The following CD22 variants were observed in gnomAD, a reference collection of about 807,000 sequenced individuals.
CD22 encodes B-cell receptor CD22.
CD22 carries 51 observed loss-of-function variants against 94.7 expected under a neutral mutation model. The ratio of observed to expected loss-of-function variants is 0.54; its 90% CI spans 0.43 to 0.68. The LOEUF is 0.68. Ranked by LOEUF, CD22 falls within the 30% of genes least tolerant of loss-of-function variation. CD22 has a pLI of 0.00. For synonymous variants in CD22, 424 were observed against 422.5 expected, an observed-to-expected ratio of 1.00 and a Z score of -0.04; for missense variants, 931 against 1,060.4, an observed-to-expected ratio of 0.88 and a Z score of 1.69.
In CD22 at chr19:35,337,245, GA is replaced by G. The variant is rs956949663; in HGVS notation, c.719-501del. On this transcript the variant is annotated intron_variant, in intron 4 of 13. Coordinates refer to ENST00000085219, the MANE Select transcript of CD22 (RefSeq NM_001771.4). This position sits in a 1 kb window ranked among gnomAD's most constrained non-coding sequence, Gnocchi z 4.4. ...CGAGTGAGACTCCATCTCAAAAAAA[GA>G]AAAAAAAAGAAGGTGAGCACTTAAG... 6.7e-5 allele frequency among the ~76,000 whole-genome samples: 10 copies of G among 150,060 alleles called. No homozygotes were observed. Among genetic ancestry groups the G allele is most frequent in the South Asian group, 2.1e-4 (1 of 4,758 alleles).
intron 2 of CD22, 154 bp from the exon 3 acceptor site, chr19:35,332,393 C>T: frequency 3.7e-6 from 3 of 800,992 alleles, no homozygotes; most frequent in Middle Eastern, 3.8e-4. Context: ...GGGAGGATCA[C>T]TTGAGGTCAG....
Position 35,336,425 on chromosome 19 carries a change from A to C in CD22, c.718+84A>C. On this transcript the variant is annotated intron_variant, in intron 4 of 13. Coordinates refer to ENST00000085219, the MANE Select transcript of CD22 (RefSeq NM_001771.4). ...CCCGCAGGGGGCATGCACCCAGGGCAGGGGGAAGCCTGCACAGACGGCGGC... is the reference window on the plus strand; with the variant it reads ...CCCGCAGGGGGCATGCACCCAGGGCCGGGGGAAGCCTGCACAGACGGCGGC... 2.9e-6 allele frequency: 4 copies of C among 1,387,572 alleles called. No individual in the cohort carries two copies. The Admixed American group carries it at 8.0e-5, about 28-fold the overall frequency. The allele number at this position is 1,387,572 out of a possible 1,614,324, so 86.0% of individuals were successfully genotyped here. A position where few individuals can be genotyped will look rare whatever the true frequency, so the allele number is the denominator to read the frequency against.
At position 35,337,861 on chromosome 19, in the gene CD22, G is replaced by C. The variant is rs759945428; in HGVS notation, c.825G>C (p.Thr275=). ...CEVSSSNPEY[T]TVSWLKDGTS... The stretch of plus-strand genomic sequence containing the variant: ...TCAGCAGCAGCAACCCGGAGTACAC[G>C]ACGGTATCCTGGCTCAAGGATGGGA... The change falls in exon 5 of 14, where the codon ACG becomes ACC. Residue 275 remains threonine (T), a synonymous_variant. Coordinates refer to ENST00000085219, the MANE Select transcript of CD22 (RefSeq NM_001771.4). This position sits in a 1 kb window ranked among gnomAD's most constrained non-coding sequence, Gnocchi z 4.4. The C allele has an allele frequency of 1.9e-6, 3 of 1,614,184 alleles. No homozygotes were observed. The highest frequency in any genetic ancestry group is 1.6e-4 in the Middle Eastern group (1 of 6,062).
chr19:35,333,027 G>A, intron 3 of CD22, 103 bp downstream of exon 3: 1 of 1,298,610 alleles, frequency 7.7e-7, no homozygotes, highest in Non-Finnish European at 1.1e-6. Flanking sequence ...GCTTCCTGCA[G>A]AGCTCAGGCA....
chr19:35,342,549 T>G (rs2066831828), intron 9 of CD22, among the ~76,000 whole-genome samples: 1 of 152,066 alleles, frequency 6.6e-6, no homozygotes. Context: ...TGGCCCCTTC[T>G]TCCCCACCTC....
intron 1 of CD22, among the ~76,000 whole-genome samples, chr19:35,330,353 G>A (rs1427016642): frequency 6.6e-6 from 1 of 152,004 alleles, no homozygotes; most frequent in African/African-American, 2.4e-5. Context: ...GAAAAAAAAA[G>A]AATCTTACTT....
At chr19:35,346,108 G>T (rs2066902845) in intron 12 of CD22, 43 bp from the exon 13 acceptor site, 1 of 1,455,442 alleles carries the variant, frequency 6.9e-7, no homozygotes. Flanking sequence ...AGAGTTCGTG[G>T]GAGATGCTTC....
chr19:35,336,495 G>A (rs1054373943), intron 4 of CD22, 154 bp downstream of exon 4: 80 of 657,548 alleles, frequency 1.2e-4, no homozygotes, highest in Admixed American at 4.4e-4. Flanking sequence ...CTGGTGTTTC[G>A]GGAAAAAGAT....
chr19:35,338,095 G>T lies in CD22; in HGVS notation c.986-73G>T, dbSNP rs2066751329. 2.5e-6 allele frequency: 4 copies of T among 1,572,914 alleles called. No individual in the cohort carries two copies. In the Admixed American group the frequency reaches 5.2e-5, roughly 20 times the overall value. On this transcript the variant is annotated intron_variant, in intron 5 of 13. Coordinates refer to ENST00000085219, the MANE Select transcript of CD22 (RefSeq NM_001771.4). ...TGGACCCGGAGAGGGGAGCCACGGG[G>T]GCTCTCGGGGCCGTGTGCACAGGTT...
chr19:35,341,497 C>G lies in CD22; in HGVS notation c.1662C>G (p.Ser554Arg), dbSNP rs1193383455. The G allele has an allele frequency of 6.2e-7, 1 of 1,614,070 alleles. No individual in the cohort carries two copies. Among genetic ancestry groups the G allele is most frequent in the East Asian group, 2.2e-5 (1 of 44,884 alleles). ...EKNGRLLGKE[S>R]QLNFDSISPE... ...ATGGCAGGCTTCTGGGGAAAGAAAGCCAGCTGAATTTTGACTCCATCTCCC... is the reference window on the plus strand; with the variant it reads ...ATGGCAGGCTTCTGGGGAAAGAAAGGCAGCTGAATTTTGACTCCATCTCCC... Residue 554 changes from serine to arginine, a missense_variant, in exon 8 of 14, where the codon AGC (serine) becomes AGG (arginine). Ser to Arg is a moderately radical substitution (Grantham distance 110). Coordinates refer to ENST00000085219, the MANE Select transcript of CD22 (RefSeq NM_001771.4). This position sits in a 1 kb window ranked among gnomAD's most constrained non-coding sequence, Gnocchi z 4.0.
chr19:35,332,947 CCTCTG>C, intron 3 of CD22, 23 bp downstream of exon 3: 1 of 1,607,184 alleles, frequency 6.2e-7, no homozygotes, highest in Non-Finnish European at 8.5e-7. Context: ...GGGAGCGGGT[CCTCTG>C]CTCTGGGCAG....
rs2066803604 is a variant in CD22, at chr19:35,341,266, G to T, written c.1508-77G>T. The T allele has an allele frequency of 2.5e-6, 4 of 1,595,562 alleles. No individual in the cohort carries two copies. The highest frequency in any genetic ancestry group is 1.7e-5 in the Admixed American group (1 of 58,548). On this transcript the variant is annotated intron_variant, in intron 7 of 13. Transcript: ENST00000085219. The surrounding 1 kb of genome is among the most constrained non-coding windows in gnomAD (Gnocchi z 4.0). ...TGAGGGACAGGAGCCTGGCGTCAGGGCCAAGGGGAGGGGAGGCCTGGGGAC... is the reference window on the plus strand; with the variant it reads ...TGAGGGACAGGAGCCTGGCGTCAGGTCCAAGGGGAGGGGAGGCCTGGGGAC...
chr19:35,341,343 ATGCC>A lies in CD22; in HGVS notation c.1509_1512del (p.Ala504ProfsTer4). 6.2e-7 allele frequency: 1 copy of A among 1,612,854 alleles called. No individual in the cohort carries two copies. Among genetic ancestry groups the A allele is most frequent in the Non-Finnish European group, 8.5e-7 (1 of 1,179,182 alleles). Reference sequence around the variant, plus strand: ...TCAGCTTGGGACCCTTGCCCTCCAGATGCCCCCCGAGACGTGAGGGTCCGGAAAA... The same window carrying A: ...TCAGCTTGGGACCCTTGCCCTCCAGACCCCGAGACGTGAGGGTCCGGAAAA... On this transcript the variant is annotated frameshift_variant and splice_region_variant, in exon 8 of 14. Transcript: ENST00000085219. LOFTEE classifies it high-confidence loss of function. This position sits in a 1 kb window ranked among gnomAD's most constrained non-coding sequence, Gnocchi z 4.0.
intron 3 of CD22, among the ~76,000 whole-genome samples, chr19:35,334,015 A>G (rs1452174202): frequency 4.6e-5 from 7 of 152,206 alleles, no homozygotes; most frequent in Admixed American, 4.6e-4. Flanking sequence ...TCAGCCAAAC[A>G]CTGACACCTC....
intron 9 of CD22, among the ~76,000 whole-genome samples, chr19:35,343,321 C>T (rs926911643): frequency 2.6e-5 from 4 of 152,054 alleles, no homozygotes; most frequent in South Asian, 2.1e-4. Flanking sequence ...AAGACAGACG[C>T]GGCTCACTCT....
rs753213954 is a variant in CD22, at chr19:35,336,126, A to G, written c.503A>G (p.Tyr168Cys). 2.5e-6 allele frequency: 4 copies of G among 1,613,930 alleles called. No homozygotes were observed. In the South Asian group the frequency reaches 3.3e-5, roughly 13 times the overall value. ...TLTCLLNFSC[Y>C]GYPIQLQWLL... is the part of the protein sequence containing the mutation. ...ACCTGCTTGCTGAATTTCTCCTGCT[A>G]TGGGTATCCGATCCAATTGCAGTGG... The change falls in exon 4 of 14, where the codon TAT becomes TGT. Residue 168 changes from tyrosine (Y) to cysteine (C), a missense_variant. By Grantham distance (194) the Tyr-to-Cys change is radical. Coordinates refer to ENST00000085219, the MANE Select transcript of CD22 (RefSeq NM_001771.4).
At chr19:35,330,836 C>T (rs1241360589) in intron 1 of CD22, 1 of 152,258 alleles carries the variant, frequency 6.6e-6, no homozygotes, top group East Asian at 1.9e-4. Flanking sequence ...GACAAGCTCA[C>T]TGCAGAGAAA....
At chr19:35,332,376 C>T in intron 2 of CD22, 171 bp from the exon 3 acceptor site, 1 of 725,806 alleles carries the variant, frequency 1.4e-6, no homozygotes, top group Non-Finnish European at 2.2e-6. Context: ...CTTTGTGAGG[C>T]TGAGGTGGGA....
intron 12 of CD22, 74 bp downstream of exon 12, chr19:35,345,794 C>A: frequency 9.5e-7 from 1 of 1,049,280 alleles, no homozygotes; most frequent in Non-Finnish European, 1.5e-6. Flanking sequence ...CCCGCCTGCC[C>A]TCTTTGTGCC....
Sources: gnomAD v4.1 joint callset for allele counts (sites outside exome capture counted in the v4.1 genomes callset) on GRCh38, gnomAD v4.1.1 for gene constraint, Gnocchi (gnomAD v3.1) non-coding constraint, MANE v1.5 for transcripts, NCBI Gene and HGNC (gene_info 2026-07-23, HGNC 2026-07-21) for gene names.